Variants in LLGL2 observed in about 807,000 individuals in gnomAD.
LLGL2 encodes the protein LLGL scribble cell polarity complex component 2.
In LLGL2, 81 loss-of-function variants were observed where a neutral mutation model predicts 123.2. That is an observed-to-expected ratio of 0.66 (90% CI 0.55 to 0.79). LLGL2 has a LOEUF of 0.79. Ranked by LOEUF, LLGL2 falls within the 30% of genes least tolerant of loss-of-function variation. LLGL2 has a pLI of 0.00. For missense variants in LLGL2, 1,273 were observed against 1,414.6 expected (o/e 0.90, Z 1.61); for synonymous variants, 577 against 594.1 (o/e 0.97, Z 0.42).
intron 1 of LLGL2, among the ~76,000 whole-genome samples, chr17:75,534,437 G>A (rs557854333): frequency 1.1e-3 from 161 of 152,360 alleles, no homozygotes; most frequent in Middle Eastern, 3.4e-3. Flanking sequence ...TGACCTGAGC[G>A]GAGGATTCTG....
intron 10 of LLGL2, chr17:75,568,039 T>C (rs1337921015): frequency 9.6e-7 from 1 of 1,045,290 alleles, no homozygotes; most frequent in African/African-American, 1.7e-5. Context: ...GGTGATGTGA[T>C]TGTGTGCAGT....
At chr17:75,555,548 G>A (rs1271951665) in intron 2 of LLGL2, among the ~76,000 whole-genome samples, 1 of 152,202 alleles carries the variant, frequency 6.6e-6, no homozygotes, top group Non-Finnish European at 1.5e-5. Context: ...CCAGCTGACT[G>A]GGGCCTGGAG....
In LLGL2 at chr17:75,563,038, C is replaced by T. The variant is rs778397021; in HGVS notation, c.553C>T (p.Arg185Trp). The change falls in exon 7 of 26, where the codon CGG becomes TGG. Residue 185 changes from arginine to tryptophan, a missense_variant. Physicochemically the swap from Arg to Trp is moderately radical, Grantham distance 101. Coordinates refer to ENST00000392550, the MANE Select transcript of LLGL2 (RefSeq NM_001031803.2). ...LQRLPEEARH[R>W]RVFEMVEALQ... The stretch of plus-strand genomic sequence containing the variant: ...CAGGTTGCCAGAGGAGGCCCGCCAC[C>T]GGCGTGTGTTCGAGATGGTGGAGGC... 1.4e-5 allele frequency: 22 copies of T among 1,612,612 alleles called. No individual in the cohort carries two copies. In the East Asian group the frequency reaches 2.5e-4, roughly 18 times the overall value.
At chr17:75,556,248 G>A (rs1312468635) in intron 3 of LLGL2, 105 bp downstream of exon 3, 1 of 879,106 alleles carries the variant, frequency 1.1e-6, no homozygotes, top group Non-Finnish European at 1.8e-6. Context: ...GGGATAAAAT[G>A]AGGGACTTTC....
intron 1 of LLGL2, among the ~76,000 whole-genome samples, chr17:75,530,355 A>C (rs547842281): frequency 6.6e-6 from 1 of 152,158 alleles, no homozygotes; most frequent in East Asian, 1.9e-4. Flanking sequence ...TTTTTAAAAA[A>C]TTAGCTGGGC....
intron 2 of LLGL2, among the ~76,000 whole-genome samples, chr17:75,551,345 T>G (rs575775410): frequency 6.6e-6 from 1 of 152,108 alleles, no homozygotes; most frequent in Non-Finnish European, 1.5e-5. Context: ...ACCATCCCGT[T>G]TATTAGATGA....
At position 75,559,181 on chromosome 17, in the gene LLGL2, C is replaced by G; in HGVS notation, c.372-71C>G. On this transcript the variant is annotated intron_variant, in intron 5 of 25. Coordinates refer to ENST00000392550, the MANE Select transcript of LLGL2 (RefSeq NM_001031803.2). This position sits in a 1 kb window ranked among gnomAD's most constrained non-coding sequence, Gnocchi z 4.6. ...CTTATGGGCTTGTTTTCCGAGGAGT[C>G]AGGGGACCCCGTCCATGGCATCTCC... 1 of 1,467,606 alleles carries G rather than the reference C, an allele frequency of 6.8e-7. No homozygotes were observed. The highest frequency in any genetic ancestry group is 9.0e-7 in the Non-Finnish European group (1 of 1,106,444). The allele number at this position is 1,467,606 out of a possible 1,614,324, so 90.9% of individuals were successfully genotyped here.
At position 75,563,371 on chromosome 17, in the gene LLGL2, T is replaced by G; in HGVS notation, c.734T>G (p.Leu245Arg). 4.3e-6 allele frequency: 7 copies of G among 1,612,880 alleles called. No homozygotes were observed. The highest frequency in any genetic ancestry group is 5.9e-6 in the Non-Finnish European group (7 of 1,180,006). The change falls in exon 8 of 26, where the codon CTC becomes CGC. Residue 245 changes from leucine (L) to arginine (R), a missense_variant. Leu to Arg is a moderately radical substitution (Grantham distance 102). Coordinates refer to ENST00000392550, the MANE Select transcript of LLGL2 (RefSeq NM_001031803.2). ...NIWWQRDGRL[L>R]VSCHSDGSYC... The stretch of plus-strand genomic sequence containing the variant: ...TGGTGGCAGCGGGACGGCCGCCTGC[T>G]CGTCAGCTGTCACTCTGACGGCAGC...
intron 2 of LLGL2, among the ~76,000 whole-genome samples, chr17:75,546,626 T>G (rs1162518286): frequency 3.0e-5 from 1 of 33,148 alleles, no homozygotes. Context: ...GGAGGGCAGG[T>G]CCAGCAGACA....
In LLGL2 at chr17:75,558,450, C is replaced by T; in HGVS notation, c.256-62C>T. On this transcript the variant is annotated intron_variant, in intron 4 of 25. Coordinates refer to ENST00000392550, the MANE Select transcript of LLGL2 (RefSeq NM_001031803.2). This position sits in a 1 kb window ranked among gnomAD's most constrained non-coding sequence, Gnocchi z 4.0. Reference sequence around the variant, plus strand: ...TTAAACAACTGGGGCTGCGTGGCCCCAGTGTGTAAAGGCCTTGCCTGGGTA... The same window carrying T: ...TTAAACAACTGGGGCTGCGTGGCCCTAGTGTGTAAAGGCCTTGCCTGGGTA... 7.1e-7 allele frequency: 1 copy of T among 1,401,072 alleles called. No individual in the cohort carries two copies. Among genetic ancestry groups the T allele is most frequent in the Non-Finnish European group, 9.8e-7 (1 of 1,017,170 alleles). 86.8% of individuals were successfully genotyped at this position (1,401,072 alleles called of 1,614,324 possible).
rs1402363754 is a variant in LLGL2 at position 75,549,534 on chromosome 17, A to G, written c.75+6033A>G. On this transcript the variant is annotated intron_variant, in intron 2 of 25. Transcript: ENST00000392550. This position sits in a 1 kb window ranked among gnomAD's most constrained non-coding sequence, Gnocchi z 4.0. ...CCTGCGGAGGGCCAGGTTGTTCTGT[A>G]TTGGCTTTCGAATGGCTGGGCCCCT... Among the ~76,000 whole-genome samples the G allele has an allele frequency of 2.0e-5, 3 of 151,258 alleles. No homozygotes were observed. In the East Asian group the frequency reaches 5.9e-4, roughly 30 times the overall value.
At chr17:75,574,065 G>A in intron 22 of LLGL2, 85 bp downstream of exon 22, 1 of 1,550,006 alleles carries the variant, frequency 6.5e-7, no homozygotes, top group Non-Finnish European at 8.7e-7. Flanking sequence ...GGTCCCGAGT[G>A]AGCAGGTAGT....
At chr17:75,563,214 G>A in intron 7 of LLGL2, 36 bp downstream of exon 7, 1 of 1,610,492 alleles carries the variant, frequency 6.2e-7, no homozygotes, top group Non-Finnish European at 8.5e-7. Flanking sequence ...GCGCCATGTT[G>A]CTCTCCCAGG....
chr17:75,563,276 G>A, intron 7 of LLGL2, 55 bp from the exon 8 acceptor site: 1 of 1,603,772 alleles, frequency 6.2e-7, no homozygotes, highest in African/African-American at 1.3e-5. Context: ...CAGGCGATGG[G>A]AACGCCGCCT....
intron 23 of LLGL2, 85 bp from the exon 24 acceptor site, chr17:75,574,368 G>A: frequency 1.3e-6 from 2 of 1,536,150 alleles, no homozygotes; most frequent in Non-Finnish European, 1.8e-6. Flanking sequence ...CAGATCCATG[G>A]GCACCCACGG....
chr17:75,541,374 C>T (rs2054199210), intron 1 of LLGL2, among the ~76,000 whole-genome samples: 1 of 152,238 alleles, frequency 6.6e-6, no homozygotes, highest in South Asian at 2.1e-4. Flanking sequence ...GTGAGCTGCC[C>T]TCCCCCAGGC....
At chr17:75,574,406 G>A in intron 23 of LLGL2, 47 bp from the exon 24 acceptor site, 1 of 1,546,464 alleles carries the variant, frequency 6.5e-7, no homozygotes, top group South Asian at 1.2e-5. Flanking sequence ...GCTGTGGCTA[G>A]CCGCCCCAAG....
At chr17:75,545,912 C>T (rs932656107) in intron 2 of LLGL2, among the ~76,000 whole-genome samples, 5 of 152,144 alleles carry the variant, frequency 3.3e-5, no homozygotes, top group South Asian at 2.1e-4. Context: ...GGCTGTGCTG[C>T]GGAGGCTGTC....
At chr17:75,535,397 G>A (rs2053962580) in intron 1 of LLGL2, among the ~76,000 whole-genome samples, 1 of 152,258 alleles carries the variant, frequency 6.6e-6, no homozygotes, top group African/African-American at 2.4e-5. Flanking sequence ...GTGCGGCCCG[G>A]GGGCCCTCTC....
Sources: allele counts gnomAD v4.1 joint callset (sites outside exome capture counted in the v4.1 genomes callset), GRCh38; gene constraint gnomAD v4.1.1; non-coding constraint Gnocchi (gnomAD v3.1); transcripts MANE v1.5; gene names NCBI Gene and HGNC (gene_info 2026-07-23, HGNC 2026-07-21).